Variants in DNAJC6 observed in about 807,000 individuals in gnomAD.
The protein encoded by DNAJC6 is auxilin.
In DNAJC6, 34 loss-of-function variants were observed where a neutral mutation model predicts 110.0. That is an observed-to-expected ratio of 0.31 (90% CI 0.24 to 0.41). DNAJC6 has a LOEUF of 0.41. DNAJC6 is among the 10% of genes least tolerant of loss of function. The pLI is 1.00. For synonymous variants in DNAJC6, 406 were observed against 437.2 expected (o/e 0.93, Z 0.89); for missense variants, 1,031 against 1,207.8 (o/e 0.85, Z 2.17).
intron 1 of DNAJC6, among the ~76,000 whole-genome samples, chr1:65,354,145 C>T (rs1247573362): frequency 6.6e-6 from 1 of 152,112 alleles, no homozygotes; most frequent in African/African-American, 2.4e-5. Context: ...GGGAGGTAGA[C>T]TCATTCACAA....
chr1:65,299,189 T>G (rs1427276769), intron 1 of DNAJC6, among the ~76,000 whole-genome samples: 2 of 152,244 alleles, frequency 1.3e-5, no homozygotes, highest in African/African-American at 4.8e-5. Context: ...ACTTATTACC[T>G]AAGTTTTCTT....
At chr1:65,354,755 A>G (rs972440895) in intron 1 of DNAJC6, among the ~76,000 whole-genome samples, 5 of 152,208 alleles carry the variant, frequency 3.3e-5, no homozygotes, top group African/African-American at 7.2e-5. Context: ...AGAAATCAAT[A>G]TATATCAATG....
chr1:65,408,107 A>T (rs1028912096), intron 16 of DNAJC6, among the ~76,000 whole-genome samples: 4 of 152,236 alleles, frequency 2.6e-5, no homozygotes, highest in African/African-American at 9.6e-5. Flanking sequence ...GCAGAGCTGG[A>T]ATGCAAACCC....
intron 1 of DNAJC6, among the ~76,000 whole-genome samples, chr1:65,328,188 C>A (rs1440891729): frequency 1.3e-5 from 2 of 152,054 alleles, no homozygotes; most frequent in Non-Finnish European, 2.9e-5. Flanking sequence ...AAGGAACTAT[C>A]AAAATATTAC....
At chr1:65,334,149 A>C (rs1645313490) in intron 1 of DNAJC6, among the ~76,000 whole-genome samples, 3 of 152,204 alleles carry the variant, frequency 2.0e-5, no homozygotes, top group Admixed American at 1.3e-4. Flanking sequence ...ATACTTGCAA[A>C]ATTTTGTAGG....
chr1:65,326,303 G>A (rs1645241120), intron 1 of DNAJC6, among the ~76,000 whole-genome samples: 1 of 152,208 alleles, frequency 6.6e-6, no homozygotes, highest in Non-Finnish European at 1.5e-5. Flanking sequence ...GACAGGAGTA[G>A]CTCTAATGTA....
At chr1:65,308,953 A>T (rs1645069788), upstream of DNAJC6, among the ~76,000 whole-genome samples, 1 of 152,202 alleles carries the variant, frequency 6.6e-6, no homozygotes, top group Admixed American at 6.5e-5. Flanking sequence ...TATTCTGGAG[A>T]ATGTGCAAAA....
chr1:65,372,101 T>G (rs1645711581), intron 4 of DNAJC6, among the ~76,000 whole-genome samples: 1 of 151,818 alleles, frequency 6.6e-6, no homozygotes, highest in African/African-American at 2.4e-5. Context: ...TAAGAATAAT[T>G]TAGCCAACTT....
chr1:65,366,768 A>AT (rs1420921768), intron 4 of DNAJC6, among the ~76,000 whole-genome samples: 11 of 152,124 alleles, frequency 7.2e-5, no homozygotes, highest in African/African-American at 2.4e-4. Flanking sequence ...AAAAAAAGGC[A>AT]TTTTTTTCCC....
rs375368522 is a variant in DNAJC6, at chr1:65,392,794, C to T, written c.1832C>T (p.Ala611Val). 43 of 1,601,268 alleles carry T rather than the reference C, an allele frequency of 2.7e-5. No homozygotes were observed. The African/African-American group carries it at 4.0e-4, about 15-fold the overall frequency. Residue 611 changes from alanine (A) to valine (V), a missense_variant, in exon 12 of 19, where the codon GCG becomes GTG. Physicochemically the swap from Ala to Val is moderately conservative, Grantham distance 64. Coordinates refer to ENST00000371069, the MANE Select transcript of DNAJC6 (RefSeq NM_001256864.2). ...GATGTGTTTCATCCTAGTGGACCTG[C>T]GTCTACCCAGTCAACACCACGCCGC... ...VEDVFHPSGP[A>V]STQSTPRRSA...
At chr1:65,365,837 G>A in intron 2 of DNAJC6, 48 bp from the exon 3 acceptor site, 3 of 1,594,192 alleles carry the variant, frequency 1.9e-6, no homozygotes, top group Non-Finnish European at 1.7e-6. Context: ...AGAAATCTTG[G>A]CATATTTGGA....
intron 1 of DNAJC6, among the ~76,000 whole-genome samples, chr1:65,333,819 G>A (rs193085112): frequency 1.9e-4 from 29 of 152,210 alleles, no homozygotes; most frequent in Middle Eastern, 3.4e-3. Flanking sequence ...ATATTGCCTT[G>A]TGTTTGATTA....
Position 65,309,572 on chromosome 1 carries a change from C to A in DNAJC6, c.-174C>A. ...CGAGCTCAGCCCAGGGCGGCGGCTT[C>A]GCCTCGCCCGGCGAAGCTTCTCTCC... On this transcript the variant is annotated 5_prime_UTR_variant, in exon 1 of 19. Coordinates refer to ENST00000371069, the MANE Select transcript of DNAJC6 (RefSeq NM_001256864.2). 8.5e-7 allele frequency: 1 copy of A among 1,176,576 alleles called. No individual in the cohort carries two copies. The highest frequency in any genetic ancestry group is 1.1e-6 in the Non-Finnish European group (1 of 948,772). The allele number at this position is 1,176,576 out of a possible 1,614,324, so 72.9% of individuals were successfully genotyped here.
At chr1:65,343,209 C>A (rs74080550) in intron 1 of DNAJC6, among the ~76,000 whole-genome samples, 1 of 152,156 alleles carries the variant, frequency 6.6e-6, no homozygotes, top group Non-Finnish European at 1.5e-5. Flanking sequence ...GAGTCTTCCT[C>A]CTTCCTCCTG....
At position 65,411,655 on chromosome 1, in the gene DNAJC6, T is replaced by C. The variant is rs78531110; in HGVS notation, c.2811+229T>C. Among the ~76,000 whole-genome samples, 542 of 152,218 alleles carry C rather than the reference T, an allele frequency of 3.6e-3. 2 individuals are homozygous for C. Among genetic ancestry groups the C allele is most frequent in the African/African-American group, 0.013 (520 of 41,524 alleles). On this transcript the variant is annotated intron_variant, in intron 18 of 18. Coordinates refer to ENST00000371069, the MANE Select transcript of DNAJC6 (RefSeq NM_001256864.2). ...TTTAGAGAGAGTAAGATTTACCCAG[T>C]GATTAATTTTTAGGGCTCAGAAGTA...
In DNAJC6 at chr1:65,264,928, T is replaced by C. The variant is rs566079959; in HGVS notation, c.-135T>C. 1.3e-4 allele frequency: 210 copies of C among 1,612,670 alleles called. 1 individual carries two copies. In the South Asian group the frequency reaches 2.1e-3, roughly 16 times the overall value. ...AGCAGAGAATGAAAGATTCTGAAAA[T>C]AAAGGTAAGGGGCGGACTGCAGAAA... On this transcript the variant is annotated 5_prime_UTR_variant, in exon 1 of 20. Transcript: ENST00000263441.
At chr1:65,380,008 A>G (rs995200121) in intron 5 of DNAJC6, among the ~76,000 whole-genome samples, 12 of 152,178 alleles carry the variant, frequency 7.9e-5, no homozygotes, top group African/African-American at 2.9e-4. Flanking sequence ...TTGACTTCCT[A>G]GAGTTCCTTT....
intron 1 of DNAJC6, among the ~76,000 whole-genome samples, chr1:65,362,703 G>A (rs1050355637): frequency 2.6e-5 from 4 of 152,250 alleles, no homozygotes; most frequent in Admixed American, 1.3e-4. Context: ...GCAAAGCTGG[G>A]CAGGAACCCA....
chr1:65,265,281 T>C (rs1222321400), intron 1 of DNAJC6, among the ~76,000 whole-genome samples: 10 of 152,340 alleles, frequency 6.6e-5, no homozygotes, highest in Non-Finnish European at 1.3e-4. Context: ...TAGTTAATAA[T>C]GAATATACAG....
Sources: allele counts gnomAD v4.1 joint callset (sites outside exome capture counted in the v4.1 genomes callset), GRCh38; gene constraint gnomAD v4.1.1; transcripts MANE v1.5; gene names NCBI Gene and HGNC (gene_info 2026-07-23, HGNC 2026-07-21).